The following TPTE2 variants were observed in gnomAD, a reference collection of about 807,000 sequenced individuals.
TPTE2 encodes transmembrane phosphoinositide 3-phosphatase and tensin homolog 2.
Under a neutral mutation model 78.6 loss-of-function variants are expected in TPTE2, and 53 were observed. The ratio of observed to expected loss-of-function variants is 0.67; its 90% CI spans 0.54 to 0.85. The LOEUF is 0.85. Among genes scored for constraint, TPTE2 ranks in the 40% least tolerant of loss-of-function variants. The pLI, the probability that TPTE2 is intolerant of heterozygous loss-of-function variation, is 0.00. For missense variants in TPTE2, 461 were observed against 623.0 expected (o/e 0.74, Z 2.77); for synonymous variants, 175 against 206.2 (o/e 0.85, Z 1.30).
At chr13:19,452,986 A>ATTTTAT (rs1555249725) in intron 10 of TPTE2, among the ~76,000 whole-genome samples, 1 of 19,926 alleles carries the variant, frequency 5.0e-5, no homozygotes, top group African/African-American at 7.4e-5. Context: ...ATTTTATTTT[A>ATTTTAT]TTTATTTTAT....
intron 1 of TPTE2, among the ~76,000 whole-genome samples, chr13:19,497,397 C>T (rs865936979): frequency 0.042 from 5,553 of 131,426 alleles, 118 homozygotes; most frequent in Non-Finnish European, 0.068. Context: ...CTTAAATGTC[C>T]CTGTCTGACA....
chr13:19,542,860 G>A, the TPTE2 span, among the ~76,000 whole-genome samples: 11 of 151,840 alleles, frequency 7.2e-5, no homozygotes, highest in African/African-American at 2.4e-4. Flanking sequence ...GCATGGTGGT[G>A]TGAGCCTATG....
the TPTE2 span, among the ~76,000 whole-genome samples, chr13:19,544,277 A>C: frequency 6.6e-6 from 1 of 152,142 alleles, no homozygotes; most frequent in Non-Finnish European, 1.5e-5. Context: ...AGGATGGTTA[A>C]TGTTATCTTA....
chr13:19,434,997 G>A (rs1029479714), intron 15 of TPTE2, among the ~76,000 whole-genome samples: 1 of 152,192 alleles, frequency 6.6e-6, no homozygotes, highest in Non-Finnish European at 1.5e-5. Context: ...ATGAGATAGT[G>A]AATAGAGAAC....
chr13:19,426,982 G>T (rs1385091550), intron 17 of TPTE2, among the ~76,000 whole-genome samples: 1 of 151,554 alleles, frequency 6.6e-6, no homozygotes, highest in African/African-American at 2.4e-5. Context: ...TGGATTACAG[G>T]CATGAGCCAC....
At chr13:19,528,418 T>C (rs1390147313) in intron 1 of TPTE2, among the ~76,000 whole-genome samples, 3 of 152,076 alleles carry the variant, frequency 2.0e-5, no homozygotes, top group South Asian at 4.1e-4. Context: ...TATATACTTA[T>C]TTACTTCCAA....
chr13:19,497,795 A>T (rs1315997349), intron 1 of TPTE2, among the ~76,000 whole-genome samples: 1 of 151,536 alleles, frequency 6.6e-6, no homozygotes, highest in African/African-American at 2.4e-5. Flanking sequence ...ACAAAGCTGG[A>T]TGGAGAATGA....
chr13:19,462,964 T>C (rs1170121170), intron 10 of TPTE2, among the ~76,000 whole-genome samples: 1 of 151,790 alleles, frequency 6.6e-6, no homozygotes, highest in Non-Finnish European at 1.5e-5. Flanking sequence ...ATCTCTCCCA[T>C]GTCTGTTTTT....
Position 19,492,909 on chromosome 13 carries a change from G to C in TPTE2, c.66-6C>G, listed in dbSNP as rs1343521720. On this transcript the variant is annotated splice_polypyrimidine_tract_variant and splice_region_variant and intron_variant, in intron 2 of 19. Coordinates refer to ENST00000400230, the Ensembl canonical transcript of TPTE2. ...TAAATTCACTTGTGTGTGGGCTAGA[G>C]GATGATAAAAGAATACAGTCAGATA... is the stretch of plus-strand genomic sequence containing the variant. The C allele has an allele frequency of 1.2e-6, 2 of 1,613,934 alleles. No individual in the cohort carries two copies. Among genetic ancestry groups the C allele is most frequent in the East Asian group, 2.2e-5 (1 of 44,872 alleles).
chr13:19,431,146 A>G (rs1258068607), intron 16 of TPTE2, among the ~76,000 whole-genome samples: 1 of 151,916 alleles, frequency 6.6e-6, no homozygotes, highest in Non-Finnish European at 1.5e-5. Flanking sequence ...AAAAAGAAAA[A>G]GAAAAAGAAA....
chr13:19,483,459 T>C (rs1880475217), intron 3 of TPTE2, among the ~76,000 whole-genome samples: 3 of 152,300 alleles, frequency 2.0e-5, no homozygotes, highest in African/African-American at 7.2e-5. Flanking sequence ...TAATAGTCTC[T>C]AATAATTCTT....
intron 10 of TPTE2, among the ~76,000 whole-genome samples, chr13:19,453,538 CATAT>C (rs56140648): frequency 0.022 from 3,064 of 140,136 alleles, 163 homozygotes; most frequent in African/African-American, 0.083. Context: ...ATTTTATAAT[CATAT>C]ATATATATAT....
chr13:19,468,833 T>C (rs1879442616), intron 6 of TPTE2, among the ~76,000 whole-genome samples: 1 of 152,230 alleles, frequency 6.6e-6, no homozygotes, highest in South Asian at 2.1e-4. Flanking sequence ...GAGAAATGCC[T>C]ATTCAAATCT....
At chr13:19,438,502 T>C (rs1276138978) in intron 13 of TPTE2, 2 of 915,120 alleles carry the variant, frequency 2.2e-6, no homozygotes, top group Non-Finnish European at 2.6e-6. Context: ...AGTACATTAA[T>C]ATAACTGATT....
chr13:19,560,826 A>C, the TPTE2 span: 74 of 1,528,060 alleles, frequency 4.8e-5, no homozygotes, highest in Non-Finnish European at 6.3e-5. Context: ...GACGCGGTCC[A>C]GGCGCGCTCC....
rs1386784663 is a variant in TPTE2, at chr13:19,436,330, C to CCATG, written c.1036-28_1036-25dup. 5 of 1,600,806 alleles carry CCATG rather than the reference C, an allele frequency of 3.1e-6. No individual in the cohort carries two copies. The African/African-American group carries it at 6.7e-5, about 22-fold the overall frequency. ...TCCTACAAAAAAGGGTACAATCCAA[C>CCATG]CATGGTTCATCTGCACTCTTTCCTT... On this transcript the variant is annotated intron_variant, in intron 14 of 19. Transcript: ENST00000400230.
chr13:19,560,520 A>C, the TPTE2 span: 3 of 1,586,952 alleles, frequency 1.9e-6, no homozygotes, highest in Non-Finnish European at 2.6e-6. Context: ...ACATCTGGTC[A>C]GACAGCGACA....
At chr13:19,439,024 A>G (rs947344128) in intron 13 of TPTE2, among the ~76,000 whole-genome samples, 7 of 152,146 alleles carry the variant, frequency 4.6e-5, no homozygotes, top group African/African-American at 1.7e-4. Context: ...TGTGGGGGAA[A>G]GACACAGGGA....
chr13:19,435,509 G>A (rs1223739389), intron 15 of TPTE2, among the ~76,000 whole-genome samples: 1 of 152,102 alleles, frequency 6.6e-6, no homozygotes. Context: ...TTGCAGCAAT[G>A]TGATGACTAC....
Sources: gnomAD v4.1 joint callset for allele counts (sites outside exome capture counted in the v4.1 genomes callset) on GRCh38, gnomAD v4.1.1 for gene constraint, MANE v1.5 for transcripts, NCBI Gene and HGNC (gene_info 2026-07-23, HGNC 2026-07-21) for gene names.